PDE2A: variants seen among roughly 807,000 people sequenced by gnomAD.
PDE2A encodes cGMP-dependent 3',5'-cyclic phosphodiesterase.
PDE2A carries 53 observed loss-of-function variants against 133.6 expected under a neutral mutation model. The observed-to-expected ratio is 0.40, with a 90% CI of 0.32 to 0.50. PDE2A has a LOEUF of 0.50. PDE2A is among the 20% of genes least tolerant of loss of function. The probability of loss-of-function intolerance (pLI) is 0.73; values close to 1 mark genes in which losing one functional copy is unlikely to be tolerated. For missense variants in PDE2A, 796 were observed against 1,232.4 expected, an observed-to-expected ratio of 0.65 and a Z score of 5.30; for synonymous variants, 491 against 490.2, an observed-to-expected ratio of 1.00 and a Z score of -0.02.
At position 72,590,407 on chromosome 11, in the gene PDE2A, T is replaced by A; in HGVS notation, c.703+20A>T. 1 of 1,576,044 alleles carries A rather than the reference T, an allele frequency of 6.3e-7. No homozygotes were observed. Among genetic ancestry groups the A allele is most frequent in the Non-Finnish European group, 8.6e-7 (1 of 1,161,710 alleles). On this transcript the variant is annotated intron_variant, in intron 8 of 30. Transcript: ENST00000334456. This position sits in a 1 kb window ranked among gnomAD's most constrained non-coding sequence, Gnocchi z 4.8. ...TCTGCCCGGCCCCGCCCTCGTGACC[T>A]GTCCAGGCCGGGCCCTCACCGCACA...
intron 1 of PDE2A, among the ~76,000 whole-genome samples, chr11:72,647,260 T>C (rs536516028): frequency 3.8e-4 from 58 of 152,312 alleles, no homozygotes; most frequent in Non-Finnish European, 6.0e-4. Flanking sequence ...CCATGGACCA[T>C]GGTTACACCC....
intron 2 of PDE2A, among the ~76,000 whole-genome samples, chr11:72,612,785 C>T (rs1482173273): frequency 6.6e-6 from 1 of 152,050 alleles, no homozygotes. Context: ...CCACCTGCAG[C>T]TCTGTAGTCC....
intron 1 of PDE2A, among the ~76,000 whole-genome samples, chr11:72,667,627 C>T (rs949518387): frequency 3.3e-5 from 5 of 152,152 alleles, no homozygotes. Flanking sequence ...TGTGACAGCA[C>T]CCCCTTCTGG....
chr11:72,651,102 T>C (rs1854729696), intron 1 of PDE2A, among the ~76,000 whole-genome samples: 1 of 152,194 alleles, frequency 6.6e-6, no homozygotes, highest in Non-Finnish European at 1.5e-5. Context: ...TTCATGTTCT[T>C]AGAAAATCAA....
At position 72,589,257 on chromosome 11, in the gene PDE2A, G is replaced by A; in HGVS notation, c.874-17C>T. The A allele has an allele frequency of 2.5e-6, 4 of 1,601,860 alleles. No homozygotes were observed. The highest frequency in any genetic ancestry group is 3.4e-6 in the Non-Finnish European group (4 of 1,169,522). On this transcript the variant is annotated splice_polypyrimidine_tract_variant and intron_variant, in intron 11 of 30. Coordinates refer to ENST00000334456, the MANE Select transcript of PDE2A (RefSeq NM_002599.5). ...TCCTGTCAACTAGGGGGTGAGGAGA[G>A]ACTGAGTCAGGGCCCAGTACTCCCC...
chr11:72,648,165 C>A (rs901761050), intron 1 of PDE2A, among the ~76,000 whole-genome samples: 8 of 152,306 alleles, frequency 5.3e-5, no homozygotes, highest in African/African-American at 1.7e-4. Flanking sequence ...TGAGGGTCCT[C>A]CAATACCAGG....
chr11:72,663,823 T>G (rs2135461101), intron 1 of PDE2A, among the ~76,000 whole-genome samples: 1 of 152,012 alleles, frequency 6.6e-6, no homozygotes. Flanking sequence ...AATTCTGATA[T>G]CAACAGGCTG....
chr11:72,656,159 C>A (rs551775940), intron 1 of PDE2A, among the ~76,000 whole-genome samples: 2 of 152,158 alleles, frequency 1.3e-5, no homozygotes, highest in African/African-American at 4.8e-5. Flanking sequence ...GGGAGAGCCA[C>A]GAGGGGGGCC....
chr11:72,595,710 C>T (rs1376217929), intron 6 of PDE2A, among the ~76,000 whole-genome samples: 1 of 152,218 alleles, frequency 6.6e-6, no homozygotes, highest in South Asian at 2.1e-4. Context: ...AATGGCAGCC[C>T]CCTCGACAGA....
At chr11:72,589,696 AC>A (rs1430086179) in intron 11 of PDE2A, 54 bp downstream of exon 11, 4 of 1,496,262 alleles carry the variant, frequency 2.7e-6, no homozygotes, top group Non-Finnish European at 3.7e-6. Context: ...AGGAGTGTCT[AC>A]CCGGCCTCAA....
chr11:72,648,490 C>T (rs1859189103), intron 1 of PDE2A, among the ~76,000 whole-genome samples: 2 of 152,160 alleles, frequency 1.3e-5, no homozygotes, highest in African/African-American at 4.8e-5. Context: ...AGGGTACAGG[C>T]TGAGTGAACT....
chr11:72,593,672 G>A (rs559018264), intron 6 of PDE2A, among the ~76,000 whole-genome samples: 1 of 152,320 alleles, frequency 6.6e-6, no homozygotes, highest in East Asian at 1.9e-4. Context: ...ATTATCCCAG[G>A]ATTAAGGAAC....
At chr11:72,636,108 C>T in intron 2 of PDE2A, 1 of 1,232,436 alleles carries the variant, frequency 8.1e-7, no homozygotes, top group Non-Finnish European at 1.1e-6. Context: ...GAATGCCTGC[C>T]CCCTGAAGCC....
chr11:72,590,665 G>C lies in PDE2A; in HGVS notation c.550-85C>G. Reference sequence around the variant, plus strand: ...CGGGATTCCTGCCTTTGCTCCCGCCGTTCCCTCTGCCTGCCGGGCCCAGGG... The same window carrying C: ...CGGGATTCCTGCCTTTGCTCCCGCCCTTCCCTCTGCCTGCCGGGCCCAGGG... On this transcript the variant is annotated intron_variant, in intron 7 of 30. Coordinates refer to ENST00000334456, the MANE Select transcript of PDE2A (RefSeq NM_002599.5). The surrounding 1 kb of genome is among the most constrained non-coding windows in gnomAD (Gnocchi z 4.8). The C allele has an allele frequency of 8.1e-7, 1 of 1,240,862 alleles. No individual in the cohort carries two copies. Among genetic ancestry groups the C allele is most frequent in the Non-Finnish European group, 1.0e-6 (1 of 964,820 alleles). The allele number at this position is 1,240,862 out of a possible 1,614,324, so 76.9% of individuals were successfully genotyped here. A position where few individuals can be genotyped will look rare whatever the true frequency, so the allele number is the denominator to read the frequency against.
intron 22 of PDE2A, 61 bp downstream of exon 22, chr11:72,581,816 C>T (rs376724): frequency 0.79 from 1,162,908 of 1,462,938 alleles, 468,300 homozygotes; most frequent in Middle Eastern, 0.86. Context: ...CCGGGGGCAA[C>T]GGATGTGACA....
intron 1 of PDE2A, among the ~76,000 whole-genome samples, chr11:72,661,732 C>T (rs139141160): frequency 1.7e-3 from 254 of 152,322 alleles, no homozygotes; most frequent in African/African-American, 5.8e-3. Flanking sequence ...GAACCACAGG[C>T]GGCTCCCTCT....
chr11:72,661,002 G>A (rs1855038423), intron 1 of PDE2A, among the ~76,000 whole-genome samples: 1 of 152,162 alleles, frequency 6.6e-6, no homozygotes, highest in African/African-American at 2.4e-5. Flanking sequence ...TGTCCTCTCT[G>A]TGGGTTTCAA....
chr11:72,669,020 A>G (rs1203206090), intron 1 of PDE2A: 1 of 971,228 alleles, frequency 1.0e-6, no homozygotes, highest in African/African-American at 1.8e-5. Context: ...CTTTGTGAGC[A>G]CCTGCCGCAT....
chr11:72,674,102 A>G, intron 1 of PDE2A, 35 bp downstream of exon 1: 1 of 1,604,134 alleles, frequency 6.2e-7, no homozygotes, highest in Non-Finnish European at 8.5e-7. Flanking sequence ...CACCTCTCAC[A>G]GCCGCTCACC....
Sources: allele counts gnomAD v4.1 joint callset (sites outside exome capture counted in the v4.1 genomes callset), GRCh38; gene constraint gnomAD v4.1.1; non-coding constraint Gnocchi (gnomAD v3.1); transcripts MANE v1.5; gene names NCBI Gene and HGNC (gene_info 2026-07-23, HGNC 2026-07-21).